C12orf54: variants seen among roughly 807,000 people sequenced by gnomAD.
C12orf54 encodes the protein chromosome 12 open reading frame 54, also known as uncharacterized protein C12orf54.
In C12orf54, 24 loss-of-function variants were observed where a neutral mutation model predicts 26.4. That is an observed-to-expected ratio of 0.91 (90% CI 0.66 to 1.28). C12orf54 has a LOEUF of 1.28. Among genes scored for constraint, C12orf54 ranks in the 50% most tolerant of loss-of-function variants. The pLI, the probability that C12orf54 is intolerant of heterozygous loss-of-function variation, is 0.00. For synonymous variants in C12orf54, 54 were observed against 47.0 expected (o/e 1.15, Z -0.61); for missense variants, 154 against 150.9 (o/e 1.02, Z -0.11).
the C12orf54 span, among the ~76,000 whole-genome samples, chr12:48,418,450 G>T: frequency 6.6e-6 from 1 of 152,178 alleles, no homozygotes; most frequent in Non-Finnish European, 1.5e-5. Flanking sequence ...TGTGTGAAGA[G>T]TAAGTTGCCT....
At chr12:48,435,515 G>T in the C12orf54 span, among the ~76,000 whole-genome samples, 5 of 152,296 alleles carry the variant, frequency 3.3e-5, no homozygotes, top group African/African-American at 4.8e-5. Flanking sequence ...CAGAGAGAAA[G>T]GTCGGGTTAC....
the C12orf54 span, among the ~76,000 whole-genome samples, chr12:48,416,747 A>C: frequency 5.9e-5 from 9 of 152,076 alleles, no homozygotes; most frequent in Non-Finnish European, 1.3e-4. Flanking sequence ...CTGTAATCCC[A>C]GCTACTCGGG....
intron 2 of C12orf54, among the ~76,000 whole-genome samples, chr12:48,485,372 CCA>C (rs1954248355): frequency 6.6e-6 from 1 of 152,082 alleles, no homozygotes; most frequent in Non-Finnish European, 1.5e-5. Flanking sequence ...CATCTAGAGC[CCA>C]GTTTTCTCTC....
the C12orf54 span, among the ~76,000 whole-genome samples, chr12:48,464,344 T>C: frequency 6.6e-6 from 1 of 151,882 alleles, no homozygotes; most frequent in African/African-American, 2.4e-5. Flanking sequence ...AAGAATGAAA[T>C]ACCTAGGAAT....
chr12:48,413,993 C>T, the C12orf54 span, among the ~76,000 whole-genome samples: 19 of 152,316 alleles, frequency 1.2e-4, no homozygotes, highest in Middle Eastern at 3.4e-3. Context: ...TGGCACTTCA[C>T]CCCCACTAAT....
At chr12:48,473,205 G>A in the C12orf54 span, 1 of 1,306,184 alleles carries the variant, frequency 7.7e-7, no homozygotes. Context: ...GGAGTATGAT[G>A]AAGATGCTCA....
At chr12:48,469,019 A>G in the C12orf54 span, among the ~76,000 whole-genome samples, 1 of 152,220 alleles carries the variant, frequency 6.6e-6, no homozygotes, top group East Asian at 1.9e-4. Context: ...CACATGCTTC[A>G]AAGGCAATAA....
the C12orf54 span, among the ~76,000 whole-genome samples, chr12:48,475,887 T>C: frequency 2.6e-5 from 4 of 151,808 alleles, no homozygotes; most frequent in Non-Finnish European, 4.4e-5. Context: ...ATTCAGGAAA[T>C]ACAGAGAACG....
At position 48,496,446 on chromosome 12, in the gene C12orf54, A is replaced by G. The variant is rs1321505052; in HGVS notation, c.*306A>G. The G allele has an allele frequency of 1.3e-5, 2 of 152,668 alleles. No individual in the cohort carries two copies. The highest frequency in any genetic ancestry group is 4.8e-5 in the African/African-American group (2 of 41,454). The allele number at this position is 152,668 out of a possible 1,614,324, so 9.5% of individuals were successfully genotyped here. A position where few individuals can be genotyped will look rare whatever the true frequency, so the allele number is the denominator to read the frequency against. Reference sequence around the variant, plus strand: ...GGTAGTGATAGAATTTCCAAGTATGATAGTGCATTTGGTTCAAAGAACAGC... The same window carrying G: ...GGTAGTGATAGAATTTCCAAGTATGGTAGTGCATTTGGTTCAAAGAACAGC... On this transcript the variant is annotated 3_prime_UTR_variant, in exon 9 of 9. Transcript: ENST00000548364.
At chr12:48,452,035 T>C in the C12orf54 span, among the ~76,000 whole-genome samples, 1 of 152,158 alleles carries the variant, frequency 6.6e-6, no homozygotes, top group Non-Finnish European at 1.5e-5. Context: ...AAGACAATCC[T>C]AAGCAAAAAG....
At chr12:48,445,247 G>A in the C12orf54 span, among the ~76,000 whole-genome samples, 4 of 151,838 alleles carry the variant, frequency 2.6e-5, no homozygotes, top group Admixed American at 6.6e-5. Context: ...GAATAGTCTA[G>A]GGCTTTGCTG....
chr12:48,458,430 A>C, the C12orf54 span, among the ~76,000 whole-genome samples: 4 of 152,078 alleles, frequency 2.6e-5, no homozygotes, highest in Admixed American at 1.3e-4. Flanking sequence ...CTTTCCCATA[A>C]TTGTTCATAT....
the C12orf54 span, among the ~76,000 whole-genome samples, chr12:48,462,893 C>T: frequency 6.6e-6 from 1 of 151,716 alleles, no homozygotes; most frequent in African/African-American, 2.4e-5. Flanking sequence ...AGATTCTAAC[C>T]AGTACAATTA....
chr12:48,457,903 T>C, the C12orf54 span, among the ~76,000 whole-genome samples: 56 of 152,290 alleles, frequency 3.7e-4, no homozygotes, highest in African/African-American at 1.2e-3. Flanking sequence ...GGTCTCCTTA[T>C]TGCAAGTTGG....
chr12:48,484,125 G>A (rs896638446), intron 2 of C12orf54, among the ~76,000 whole-genome samples: 1 of 152,212 alleles, frequency 6.6e-6, no homozygotes, highest in Non-Finnish European at 1.5e-5. Flanking sequence ...AACCTGGGAG[G>A]CGGAGGTTGC....
At chr12:48,443,578 T>G in the C12orf54 span, among the ~76,000 whole-genome samples, 2 of 152,202 alleles carry the variant, frequency 1.3e-5, no homozygotes, top group African/African-American at 4.8e-5. Context: ...GCTATGTAAG[T>G]GATCATGAGA....
intron 7 of C12orf54, among the ~76,000 whole-genome samples, chr12:48,494,087 CAG>C (rs2137099039): frequency 8.2e-5 from 4 of 48,624 alleles, no homozygotes; most frequent in South Asian, 9.4e-4. Flanking sequence ...GGCGTGGTGG[CAG>C]GTGCCTGTAA....
chr12:48,426,806 T>C, the C12orf54 span, among the ~76,000 whole-genome samples: 1 of 152,134 alleles, frequency 6.6e-6, no homozygotes, highest in Non-Finnish European at 1.5e-5. Flanking sequence ...ACCTCCCTGG[T>C]TAGTTATATT....
chr12:48,472,374 G>T, the C12orf54 span, among the ~76,000 whole-genome samples: 765 of 152,098 alleles, frequency 5.0e-3, 7 homozygotes, highest in African/African-American at 0.017. Flanking sequence ...GAGATGATGA[G>T]AAGTGATCAG....
Sources: allele counts gnomAD v4.1 joint callset (sites outside exome capture counted in the v4.1 genomes callset), GRCh38; gene constraint gnomAD v4.1.1; transcripts MANE v1.5; gene names NCBI Gene and HGNC (gene_info 2026-07-23, HGNC 2026-07-21).